The following MYO16 variants were observed in gnomAD, a reference collection of about 807,000 sequenced individuals.
MYO16 encodes the protein unconventional myosin-XVI.
MYO16 carries 94 observed loss-of-function variants against 205.3 expected under a neutral mutation model. That is an observed-to-expected ratio of 0.46 (90% CI 0.39 to 0.54). The LOEUF is 0.54. Ranked by LOEUF, MYO16 falls within the 20% of genes least tolerant of loss-of-function variation. The probability of loss-of-function intolerance (pLI) is 0.00; values close to 1 mark genes in which losing one functional copy is unlikely to be tolerated. For missense variants in MYO16, 2,315 were observed against 2,387.5 expected (o/e 0.97, Z 0.63); for synonymous variants, 988 against 954.0 (o/e 1.04, Z -0.66).
the MYO16 span, among the ~76,000 whole-genome samples, chr13:108,541,698 C>A: frequency 6.6e-6 from 1 of 152,000 alleles, no homozygotes; most frequent in Non-Finnish European, 1.5e-5. Context: ...GTGGCCAAAA[C>A]AAGCATATAA....
At chr13:108,989,792 TTCTC>T (rs984256636) in intron 20 of MYO16, among the ~76,000 whole-genome samples, 8 of 152,118 alleles carry the variant, frequency 5.3e-5, no homozygotes, top group Admixed American at 2.0e-4. Flanking sequence ...GAAAATATCT[TTCTC>T]ATTCTAATTT....
chr13:109,174,707 C>G (rs917896207), intron 33 of MYO16, among the ~76,000 whole-genome samples: 1 of 151,652 alleles, frequency 6.6e-6, no homozygotes, highest in Admixed American at 6.6e-5. Flanking sequence ...AAATTCAGTG[C>G]CATACCCCCC....
chr13:108,844,120 A>T (rs1010284153), intron 9 of MYO16, among the ~76,000 whole-genome samples: 1 of 152,134 alleles, frequency 6.6e-6, no homozygotes, highest in Non-Finnish European at 1.5e-5. Flanking sequence ...TGGAGTTCAA[A>T]TAAGTATATA....
intron 4 of MYO16, among the ~76,000 whole-genome samples, chr13:108,731,221 T>C (rs886606218): frequency 1.3e-5 from 2 of 152,230 alleles, no homozygotes; most frequent in Non-Finnish European, 2.9e-5. Context: ...CATGCATGCA[T>C]TGCTGTTTGT....
intron 17 of MYO16, among the ~76,000 whole-genome samples, chr13:108,958,780 A>AT (rs1432080374): frequency 6.6e-6 from 1 of 152,170 alleles, no homozygotes; most frequent in Non-Finnish European, 1.5e-5. Flanking sequence ...ATTCCCTTCA[A>AT]TCTCTATTTC....
the MYO16 span, among the ~76,000 whole-genome samples, chr13:108,547,522 G>C: frequency 6.6e-6 from 1 of 152,104 alleles, no homozygotes; most frequent in Non-Finnish European, 1.5e-5. Context: ...ATTGGGTTTT[G>C]ACAGCCAGCG....
rs1880508635 is a variant in MYO16, at chr13:108,897,923, C to A, written c.1660-93C>A. 4 of 1,010,788 alleles carry A rather than the reference C, an allele frequency of 4.0e-6. No individual in the cohort carries two copies. In the South Asian group the frequency reaches 4.3e-5, roughly 11 times the overall value. The allele number at this position is 1,010,788 out of a possible 1,614,324, so 62.6% of individuals were successfully genotyped here. Reference sequence around the variant, plus strand: ...ATGAGCAGGATAGAAACTTTCAGACCAAGAAGTATTATTCACTGCATCGTC... The same window carrying A: ...ATGAGCAGGATAGAAACTTTCAGACAAAGAAGTATTATTCACTGCATCGTC... On this transcript the variant is annotated intron_variant, in intron 14 of 34. Coordinates refer to ENST00000457511, the MANE Select transcript of MYO16 (RefSeq NM_001198950.3).
rs111870229 is a variant in MYO16, at chr13:109,128,820, G to A, written c.4051+1270G>A. 5.6e-3 allele frequency among the ~76,000 whole-genome samples: 754 copies of A among 134,506 alleles called. 5 individuals are homozygous for A. The highest frequency in any genetic ancestry group is 0.02 in the African/African-American group (709 of 34,722). The allele number at this position is 134,506 out of a possible 152,430, so 88.2% of individuals were successfully genotyped here. The stretch of plus-strand genomic sequence containing the variant: ...GACTTTCACTCTTGTTGCTTAGGCT[G>A]GAGTGCAATGGCACAATCTCAGCTC... On this transcript the variant is annotated intron_variant, in intron 31 of 34. Coordinates refer to ENST00000457511, the MANE Select transcript of MYO16 (RefSeq NM_001198950.3).
intron 27 of MYO16, among the ~76,000 whole-genome samples, chr13:109,075,698 T>G (rs1307772976): frequency 6.6e-6 from 1 of 152,138 alleles, no homozygotes; most frequent in African/African-American, 2.4e-5. Flanking sequence ...TGGGCTTATT[T>G]GCCATCCTTA....
At chr13:109,111,605 T>C (rs567290755) in intron 28 of MYO16, among the ~76,000 whole-genome samples, 14 of 152,350 alleles carry the variant, frequency 9.2e-5, no homozygotes, top group African/African-American at 3.4e-4. Flanking sequence ...AGCATTTTAA[T>C]TGCAGAAAAG....
At chr13:108,647,513 T>C (rs907447074) in intron 1 of MYO16, among the ~76,000 whole-genome samples, 1 of 152,240 alleles carries the variant, frequency 6.6e-6, no homozygotes, top group Non-Finnish European at 1.5e-5. Flanking sequence ...CCCTTATGTA[T>C]CTTTGCTTCT....
chr13:108,817,539 T>G (rs1875692836), intron 7 of MYO16, among the ~76,000 whole-genome samples: 1 of 152,170 alleles, frequency 6.6e-6, no homozygotes, highest in South Asian at 2.1e-4. Context: ...GGGGAACTGT[T>G]GGTGATGAGA....
chr13:108,575,590 T>C, the MYO16 span, among the ~76,000 whole-genome samples: 7 of 152,108 alleles, frequency 4.6e-5, no homozygotes, highest in Non-Finnish European at 8.8e-5. Flanking sequence ...CTAGCGGATT[T>C]CCCCTAATAA....
intron 27 of MYO16, among the ~76,000 whole-genome samples, chr13:109,066,715 C>A (rs533545931): frequency 6.6e-6 from 1 of 152,192 alleles, no homozygotes; most frequent in South Asian, 2.1e-4. Flanking sequence ...TCAACTGGGC[C>A]TCTCCAGCAG....
At chr13:108,707,936 G>C (rs925148959) in intron 2 of MYO16, among the ~76,000 whole-genome samples, 1 of 152,062 alleles carries the variant, frequency 6.6e-6, no homozygotes, top group Admixed American at 6.5e-5. Flanking sequence ...GCTCCCAAAG[G>C]TGCAAAAATG....
chr13:109,183,200 G>C (rs1286279221), intron 34 of MYO16, among the ~76,000 whole-genome samples: 1 of 152,118 alleles, frequency 6.6e-6, no homozygotes, highest in Non-Finnish European at 1.5e-5. Context: ...GAAGTAACTC[G>C]GTGGTGAGAA....
intron 28 of MYO16, among the ~76,000 whole-genome samples, chr13:109,118,991 T>A (rs1387659707): frequency 2.0e-5 from 3 of 152,188 alleles, no homozygotes; most frequent in Non-Finnish European, 4.4e-5. Context: ...TCCCCATTGA[T>A]CTAACTAATT....
intron 16 of MYO16, among the ~76,000 whole-genome samples, chr13:108,950,070 G>A (rs772398283): frequency 7.9e-5 from 12 of 151,666 alleles, no homozygotes; most frequent in Non-Finnish European, 1.2e-4. Context: ...TAAATGTAAA[G>A]CATAAAGCAA....
At chr13:108,988,523 A>C (rs1321516326) in intron 20 of MYO16, among the ~76,000 whole-genome samples, 1 of 152,116 alleles carries the variant, frequency 6.6e-6, no homozygotes, top group East Asian at 1.9e-4. Context: ...CCTTCCAATC[A>C]AATGTATGCC....
Sources: gnomAD v4.1 joint callset for allele counts (sites outside exome capture counted in the v4.1 genomes callset) on GRCh38, gnomAD v4.1.1 for gene constraint, MANE v1.5 for transcripts, NCBI Gene and HGNC (gene_info 2026-07-23, HGNC 2026-07-21) for gene names.